Variants in RAB3C observed in about 807,000 individuals in gnomAD.
The protein encoded by RAB3C is ras-related protein Rab-3C.
RAB3C carries 17 observed loss-of-function variants against 26.4 expected under a neutral mutation model. The ratio of observed to expected loss-of-function variants is 0.64; its 90% CI spans 0.44 to 0.97. The LOEUF (loss-of-function observed/expected upper bound fraction) is 0.97, where lower values mean the gene tolerates loss of function less well. Among genes scored for constraint, RAB3C ranks in the 50% least tolerant of loss-of-function variants. RAB3C has a pLI of 0.00. For synonymous variants in RAB3C, 91 were observed against 95.9 expected (o/e 0.95, Z 0.30); for missense variants, 242 against 281.9 (o/e 0.86, Z 1.01).
chr5:58,806,721 TC>T (rs1742947484), intron 3 of RAB3C, among the ~76,000 whole-genome samples: 1 of 152,052 alleles, frequency 6.6e-6, no homozygotes, highest in Non-Finnish European at 1.5e-5. Flanking sequence ...ACAGTTTTGT[TC>T]CCCAGATGTC....
At chr5:58,617,529 G>T (rs761679013) in intron 1 of RAB3C, 114 bp from the exon 2 acceptor site, 1 of 862,746 alleles carries the variant, frequency 1.2e-6, no homozygotes, top group Non-Finnish European at 2.0e-6. Context: ...CGCCTCCTGA[G>T]TGTCTGACAT....
intron 2 of RAB3C, among the ~76,000 whole-genome samples, chr5:58,699,867 G>A (rs1481355710): frequency 6.6e-6 from 1 of 152,168 alleles, no homozygotes; most frequent in African/African-American, 2.4e-5. Flanking sequence ...CAAGTAGTTT[G>A]TCACTGCTTC....
chr5:58,668,794 C>T (rs1748052408), intron 2 of RAB3C, among the ~76,000 whole-genome samples: 1 of 152,112 alleles, frequency 6.6e-6, no homozygotes, highest in South Asian at 2.1e-4. Context: ...TTTCTAGTCA[C>T]TCATGGTCTC....
At chr5:58,631,195 C>G (rs1240271094) in intron 2 of RAB3C, among the ~76,000 whole-genome samples, 2 of 152,172 alleles carry the variant, frequency 1.3e-5, no homozygotes, top group Non-Finnish European at 2.9e-5. Flanking sequence ...CTGCTCAAAT[C>G]TGGCTCACTG....
chr5:58,637,356 C>G (rs1041437546), intron 2 of RAB3C, among the ~76,000 whole-genome samples: 3 of 151,990 alleles, frequency 2.0e-5, no homozygotes, highest in African/African-American at 7.2e-5. Flanking sequence ...GTCTCTCCTG[C>G]TATCACTCAC....
chr5:58,705,387 G>A (rs1232834330), intron 2 of RAB3C, among the ~76,000 whole-genome samples: 1 of 152,102 alleles, frequency 6.6e-6, no homozygotes, highest in Admixed American at 6.6e-5. Context: ...ATGGTCAGGA[G>A]TTTTGCAATA....
intron 4 of RAB3C, among the ~76,000 whole-genome samples, chr5:58,826,975 T>C (rs1248364616): frequency 6.6e-6 from 1 of 152,210 alleles, no homozygotes; most frequent in African/African-American, 2.4e-5. Flanking sequence ...AATCTATCCC[T>C]GGATGGCCAC....
intron 2 of RAB3C, among the ~76,000 whole-genome samples, chr5:58,671,885 G>A (rs188905938): frequency 5.5e-4 from 84 of 152,156 alleles, no homozygotes; most frequent in Admixed American, 5.0e-3. Context: ...GAAAGGCTAA[G>A]ATACTAAACT....
At chr5:58,788,083 T>C (rs1742432730) in intron 3 of RAB3C, among the ~76,000 whole-genome samples, 1 of 152,216 alleles carries the variant, frequency 6.6e-6, no homozygotes, top group Admixed American at 6.5e-5. Flanking sequence ...ATGTCACCAG[T>C]TCACTGTTTA....
chr5:58,620,787 AT>A (rs572847848), intron 2 of RAB3C, among the ~76,000 whole-genome samples: 9 of 151,892 alleles, frequency 5.9e-5, no homozygotes, highest in Non-Finnish European at 1.0e-4. Flanking sequence ...TGTGGTGGTT[AT>A]TTTTTTTGAA....
intron 3 of RAB3C, among the ~76,000 whole-genome samples, chr5:58,782,226 A>C (rs2112003169): frequency 6.6e-6 from 1 of 152,234 alleles, no homozygotes; most frequent in South Asian, 2.1e-4. Flanking sequence ...AGACTTCAAC[A>C]GGTTAAGCAG....
At chr5:58,757,850 C>T (rs1465765725) in intron 3 of RAB3C, among the ~76,000 whole-genome samples, 1 of 152,186 alleles carries the variant, frequency 6.6e-6, no homozygotes, top group African/African-American at 2.4e-5. Flanking sequence ...CCAGTGTCAG[C>T]ACTCTCTTCA....
chr5:58,843,637 G>T (rs142789667), intron 4 of RAB3C, among the ~76,000 whole-genome samples: 399 of 152,262 alleles, frequency 2.6e-3, no homozygotes, highest in Non-Finnish European at 3.4e-3. Flanking sequence ...GAAGTGTAAC[G>T]ATCTTGCATT....
At chr5:58,742,097 C>T (rs1344764165) in intron 3 of RAB3C, 7 of 152,174 alleles carry the variant, frequency 4.6e-5, no homozygotes, top group African/African-American at 9.7e-5. Flanking sequence ...CCAGATACCC[C>T]GTAAAGCTGA....
chr5:58,634,614 A>G (rs1469558536), intron 2 of RAB3C, among the ~76,000 whole-genome samples: 2 of 152,212 alleles, frequency 1.3e-5, no homozygotes, highest in African/African-American at 2.4e-5. Context: ...AAAATTCAAC[A>G]TCCAATCTCA....
At chr5:58,663,112 T>G (rs987317733) in intron 2 of RAB3C, among the ~76,000 whole-genome samples, 2 of 150,256 alleles carry the variant, frequency 1.3e-5, no homozygotes, top group Admixed American at 1.3e-4. Context: ...TTGTATTTAA[T>G]TAATAGGGAC....
intron 2 of RAB3C, among the ~76,000 whole-genome samples, chr5:58,697,606 C>T (rs948916658): frequency 4.6e-5 from 7 of 152,160 alleles, no homozygotes; most frequent in African/African-American, 1.7e-4. Context: ...TCTGGGTGCT[C>T]CTGTATTGGG....
intron 2 of RAB3C, among the ~76,000 whole-genome samples, chr5:58,719,291 G>C (rs1740687094): frequency 6.6e-6 from 1 of 152,004 alleles, no homozygotes; most frequent in Non-Finnish European, 1.5e-5. Context: ...CTTTTTTGAA[G>C]AGTTTCATTT....
intron 1 of RAB3C, among the ~76,000 whole-genome samples, chr5:58,587,296 T>C (rs1487792554): frequency 2.0e-5 from 3 of 152,162 alleles, no homozygotes; most frequent in Non-Finnish European, 4.4e-5. Flanking sequence ...ATGTTTATGC[T>C]GAGGAATAGG....
Sources: allele counts gnomAD v4.1 joint callset (sites outside exome capture counted in the v4.1 genomes callset), GRCh38; gene constraint gnomAD v4.1.1; transcripts MANE v1.5; gene names NCBI Gene and HGNC (gene_info 2026-07-23, HGNC 2026-07-21).